The following NCAPG2 variants were observed in gnomAD, a reference collection of about 807,000 sequenced individuals.
The protein encoded by NCAPG2 is non-SMC condensin II complex subunit G2, also known as condensin-2 complex subunit G2.
In NCAPG2, 53 loss-of-function variants were observed where a neutral mutation model predicts 141.1. That is an observed-to-expected ratio of 0.38 (90% CI 0.30 to 0.47). The LOEUF (loss-of-function observed/expected upper bound fraction) is 0.47. Ranked by LOEUF, NCAPG2 falls within the 20% of genes least tolerant of loss-of-function variation. NCAPG2 has a pLI of 0.99. For missense variants in NCAPG2, 1,087 were observed against 1,389.0 expected, an observed-to-expected ratio of 0.78 and a Z score of 3.46; for synonymous variants, 499 against 490.7, an observed-to-expected ratio of 1.02 and a Z score of -0.22.
rs1339932565 is a variant in NCAPG2, at chr7:158,683,291, C to T, written c.924+9G>A. On this transcript the variant is annotated intron_variant, in intron 9 of 27. Coordinates refer to ENST00000356309, the MANE Select transcript of NCAPG2 (RefSeq NM_017760.7). ...CATTATTTCAAAAACAATCTGTTCA[C>T]AATCTTACCTCCCGCACTTTGGAAT... 2 of 1,554,326 alleles carry T rather than the reference C, an allele frequency of 1.3e-6. No individual in the cohort carries two copies. Among genetic ancestry groups the T allele is most frequent in the Non-Finnish European group, 1.7e-6 (2 of 1,149,918 alleles).
rs1397521296 is a variant in NCAPG2 at position 158,646,503 on chromosome 7, T to C, written c.3136A>G (p.Arg1046Gly). The C allele has an allele frequency of 3.1e-6, 5 of 1,588,322 alleles. No individual in the cohort carries two copies. Among genetic ancestry groups the C allele is most frequent in the African/African-American group, 1.4e-5 (1 of 72,652 alleles). ...EHLSDLPPFSRCLIGIIIKSS... is the reference protein window; with the variant it reads ...EHLSDLPPFSGCLIGIIIKSS... ...TTTATTATTATTCCTATTAAACACCTTGAAAATGGTGGAAGATCAGAAAGA... is the reference window on the plus strand; with the variant it reads ...TTTATTATTATTCCTATTAAACACCCTGAAAATGGTGGAAGATCAGAAAGA... Residue 1046 changes from arginine (R) to glycine (G), a missense_variant, in exon 25 of 28, where the codon AGG (arginine) becomes GGG (glycine). Coordinates refer to ENST00000356309, the MANE Select transcript of NCAPG2 (RefSeq NM_017760.7).
rs181454034 is a variant in NCAPG2 at position 158,690,935 on chromosome 7, C to A, written c.383-213G>T. 1.6e-4 allele frequency among the ~76,000 whole-genome samples: 24 copies of A among 152,188 alleles called. No individual in the cohort carries two copies. In the Middle Eastern group the frequency reaches 0.01, roughly 65 times the overall value. On this transcript the variant is annotated intron_variant, in intron 4 of 27. Transcript: ENST00000356309. ...CTGTTTGACGATTGTTATAAAAAGA[C>A]CCTCAACAGACATAATAGAAAAGAG...
At chr7:158,657,005 T>C (rs529526500) in intron 17 of NCAPG2, among the ~76,000 whole-genome samples, 45 of 152,346 alleles carry the variant, frequency 3.0e-4, no homozygotes, top group African/African-American at 1.1e-3. Context: ...AGCAAGAGTT[T>C]CTACTTTTGA....
chr7:158,681,368 C>T (rs903232398), intron 9 of NCAPG2, among the ~76,000 whole-genome samples: 2 of 152,222 alleles, frequency 1.3e-5, no homozygotes, highest in Non-Finnish European at 2.9e-5. Flanking sequence ...TTGTAGCTTT[C>T]ATTCTTCTTT....
intron 12 of NCAPG2, among the ~76,000 whole-genome samples, chr7:158,674,190 G>C (rs1466841608): frequency 1.3e-5 from 2 of 152,170 alleles, no homozygotes; most frequent in African/African-American, 4.8e-5. Flanking sequence ...GGAGAAATGG[G>C]GGAGCCTCTG....
chr7:158,674,469 T>C (rs1833934575), intron 12 of NCAPG2, among the ~76,000 whole-genome samples: 2 of 152,074 alleles, frequency 1.3e-5, no homozygotes, highest in Admixed American at 1.3e-4. Context: ...TTTGTACTTT[T>C]TGTAGAGACA....
chr7:158,634,960 A>G (rs1019946304), intron 27 of NCAPG2, among the ~76,000 whole-genome samples: 9 of 152,220 alleles, frequency 5.9e-5, no homozygotes, highest in Admixed American at 4.6e-4. Context: ...CACAGACCAG[A>G]CCATGTGCAA....
intron 6 of NCAPG2, 145 bp from the exon 7 acceptor site, chr7:158,687,587 G>A (rs1229230339): frequency 1.3e-5 from 8 of 612,404 alleles, no homozygotes; most frequent in Non-Finnish European, 1.9e-5. Flanking sequence ...GCACATGCAC[G>A]AGTTGAGCTG....
intron 15 of NCAPG2, 44 bp from the exon 16 acceptor site, chr7:158,662,411 A>C: frequency 1.4e-6 from 2 of 1,472,654 alleles, no homozygotes; most frequent in Non-Finnish European, 1.8e-6. Flanking sequence ...TAATCATAGC[A>C]ACTACTAAAA....
intron 24 of NCAPG2, among the ~76,000 whole-genome samples, chr7:158,648,464 C>G (rs1831195172): frequency 6.6e-6 from 1 of 151,424 alleles, no homozygotes; most frequent in Non-Finnish European, 1.5e-5. Flanking sequence ...TAAACCCAAA[C>G]CTATCAATAA....
intron 2 of NCAPG2, among the ~76,000 whole-genome samples, chr7:158,694,132 A>G (rs753392731): frequency 6.6e-5 from 10 of 152,190 alleles, no homozygotes; most frequent in Non-Finnish European, 1.3e-4. Context: ...GGCCAAGCCA[A>G]CCACTCTGGG....
At chr7:158,697,656 A>G (rs2129469534) in intron 2 of NCAPG2, among the ~76,000 whole-genome samples, 1 of 152,270 alleles carries the variant, frequency 6.6e-6, no homozygotes, top group Middle Eastern at 3.4e-3. Flanking sequence ...AGGGGTATAA[A>G]GAGAGTATTT....
chr7:158,680,370 G>A lies in NCAPG2; in HGVS notation c.1021-285C>T, dbSNP rs1304268049. On this transcript the variant is annotated intron_variant, in intron 10 of 27. Transcript: ENST00000356309. The stretch of plus-strand genomic sequence containing the variant: ...GGTTGTCTGCACTGAAAGTTATTGT[G>A]TGTTTGTTAGATCTCAAGGATCTGG... 2.0e-5 allele frequency among the ~76,000 whole-genome samples: 3 copies of A among 152,182 alleles called. No homozygotes were observed. The East Asian group carries it at 5.8e-4, about 29-fold the overall frequency.
intron 4 of NCAPG2, among the ~76,000 whole-genome samples, chr7:158,692,587 C>G (rs1307719287): frequency 6.6e-6 from 1 of 152,024 alleles, no homozygotes; most frequent in Non-Finnish European, 1.5e-5. Context: ...ACTAAAAATA[C>G]AAAATTAGGC....
chr7:158,702,093 A>G (rs969019336), intron 1 of NCAPG2, among the ~76,000 whole-genome samples, 155 bp from the exon 2 acceptor site: 1 of 152,236 alleles, frequency 6.6e-6, no homozygotes, highest in African/African-American at 2.4e-5. Flanking sequence ...ACGCTATAAT[A>G]TCTGAAAAAC....
intron 2 of NCAPG2, among the ~76,000 whole-genome samples, chr7:158,700,254 T>C (rs1350465545): frequency 1.3e-5 from 2 of 152,216 alleles, no homozygotes. Flanking sequence ...CTAGAGTTAA[T>C]GCCTCATTAG....
At chr7:158,646,103 A>G (rs1196431372) in intron 25 of NCAPG2, among the ~76,000 whole-genome samples, 1 of 152,190 alleles carries the variant, frequency 6.6e-6, no homozygotes, top group Non-Finnish European at 1.5e-5. Flanking sequence ...TATTCAACGA[A>G]AATGGCACCG....
rs374793905 is a variant in NCAPG2, at chr7:158,656,326, G to A, written c.2322C>T (p.Arg774=). Residue 774 remains arginine, a synonymous_variant, in exon 19 of 28, where the codon CGC becomes CGT. Transcript: ENST00000356309. The stretch of plus-strand genomic sequence containing the variant: ...TCCGAGGAGCAGAGAGCAAGCACTC[G>A]CGGTTCTTTGGATGAGTCAGCAGAT... ...IEYLLTHPKN[R]ECLLSAPRKK... 98 of 1,614,044 alleles carry A rather than the reference G, an allele frequency of 6.1e-5. No homozygotes were observed. The highest frequency in any genetic ancestry group is 3.3e-4 in the Middle Eastern group (2 of 6,084).
chr7:158,647,694 C>T (rs1831132778), intron 24 of NCAPG2, among the ~76,000 whole-genome samples: 1 of 151,772 alleles, frequency 6.6e-6, no homozygotes, highest in Non-Finnish European at 1.5e-5. Flanking sequence ...CTAAACAACA[C>T]TGCTTTTTTT....
Sources: allele counts gnomAD v4.1 joint callset (sites outside exome capture counted in the v4.1 genomes callset), GRCh38; gene constraint gnomAD v4.1.1; transcripts MANE v1.5; gene names NCBI Gene and HGNC (gene_info 2026-07-23, HGNC 2026-07-21).